Variants in TLL1 observed in about 807,000 individuals in gnomAD.
TLL1 encodes the protein tolloid-like protein 1.
A neutral mutation model predicts 128.2 loss-of-function variants in TLL1; 49 were observed. The ratio of observed to expected loss-of-function variants is 0.38; its 90% CI spans 0.30 to 0.48. The LOEUF (loss-of-function observed/expected upper bound fraction) is 0.48. Among genes scored for constraint, TLL1 ranks in the 20% least tolerant of loss-of-function variants. The probability of loss-of-function intolerance (pLI) is 0.96; values close to 1 mark genes in which losing one functional copy is unlikely to be tolerated. For missense variants in TLL1, 1,123 were observed against 1,242.0 expected, an observed-to-expected ratio of 0.90 and a Z score of 1.44; for synonymous variants, 454 against 418.8, an observed-to-expected ratio of 1.08 and a Z score of -1.03.
Position 166,099,287 on chromosome 4 carries a change from A to G in TLL1, c.2667A>G (p.Gly889=), listed in dbSNP as rs1742170296. 6.2e-7 allele frequency: 1 copy of G among 1,613,502 alleles called. No individual in the cohort carries two copies. The highest frequency in any genetic ancestry group is 8.5e-7 in the Non-Finnish European group (1 of 1,179,614). The change falls in exon 20 of 21, where the codon GGA becomes GGG. Residue 889 remains glycine (G), a synonymous_variant. Transcript: ENST00000061240. ...TTCTTTCCTGGGCAGAGTGTGGCGGACGATTGAAAGCAGAATCAAAACCAA... is the reference window on the plus strand; with the variant it reads ...TTCTTTCCTGGGCAGAGTGTGGCGGGCGATTGAAAGCAGAATCAAAACCAA... The part of the protein sequence containing the change: ...FQATHSTECG[G]RLKAESKPRD...
chr4:166,077,790 G>A, intron 17 of TLL1, 113 bp from the exon 18 acceptor site: 2 of 1,429,876 alleles, frequency 1.4e-6, no homozygotes, highest in Non-Finnish European at 2.0e-6. Flanking sequence ...GTGAAAATTA[G>A]CTGGTATTCA....
chr4:166,040,260 A>C (rs529619117), intron 10 of TLL1, among the ~76,000 whole-genome samples: 2 of 152,236 alleles, frequency 1.3e-5, no homozygotes, highest in Non-Finnish European at 2.9e-5. Flanking sequence ...TTGTATTAAA[A>C]GTGACAGCAG....
chr4:165,889,855 A>G (rs1304383672), intron 1 of TLL1, among the ~76,000 whole-genome samples: 1 of 152,202 alleles, frequency 6.6e-6, no homozygotes, highest in African/African-American at 2.4e-5. Context: ...TTGTGTGGTT[A>G]TTAAAACTTT....
chr4:165,951,728 G>A (rs1023199474), intron 1 of TLL1, among the ~76,000 whole-genome samples: 1 of 152,106 alleles, frequency 6.6e-6, no homozygotes, highest in Non-Finnish European at 1.5e-5. Flanking sequence ...GGGCCTGAGT[G>A]CTTTCATAAG....
intron 8 of TLL1, among the ~76,000 whole-genome samples, chr4:166,017,602 GT>G (rs1413259824): frequency 6.6e-6 from 1 of 151,830 alleles, no homozygotes; most frequent in Non-Finnish European, 1.5e-5. Context: ...GGTGTCTATT[GT>G]TTTTCATTTT....
intron 1 of TLL1, among the ~76,000 whole-genome samples, chr4:165,877,097 A>T (rs1730754322): frequency 6.6e-6 from 1 of 152,240 alleles, no homozygotes; most frequent in Non-Finnish European, 1.5e-5. Context: ...TTGTTTCTGA[A>T]TTACAACTTT....
intron 1 of TLL1, among the ~76,000 whole-genome samples, chr4:165,878,196 T>A (rs901507003): frequency 6.6e-6 from 1 of 152,204 alleles, no homozygotes; most frequent in Non-Finnish European, 1.5e-5. Flanking sequence ...ATTTTCGAAT[T>A]TGATGTTCTT....
At chr4:166,020,741 C>G (rs1048537373) in intron 8 of TLL1, among the ~76,000 whole-genome samples, 3 of 152,116 alleles carry the variant, frequency 2.0e-5, no homozygotes, top group African/African-American at 7.2e-5. Flanking sequence ...ACTATTGTCC[C>G]TAATATTCTC....
At chr4:165,932,980 C>A (rs987274434) in intron 1 of TLL1, among the ~76,000 whole-genome samples, 2 of 152,100 alleles carry the variant, frequency 1.3e-5, no homozygotes, top group South Asian at 4.1e-4. Flanking sequence ...TTACAGCTTC[C>A]GATTAGAAAG....
chr4:165,896,979 AT>A (rs1303236490), intron 1 of TLL1, among the ~76,000 whole-genome samples: 1 of 152,016 alleles, frequency 6.6e-6, no homozygotes, highest in African/African-American at 2.4e-5. Context: ...TGTGGTTTTG[AT>A]TTGCATCTCT....
chr4:165,877,849 A>G (rs1730791156), intron 1 of TLL1, among the ~76,000 whole-genome samples: 1 of 151,594 alleles, frequency 6.6e-6, no homozygotes, highest in South Asian at 2.1e-4. Flanking sequence ...AGAATATCTA[A>G]TAGGAGAAAT....
At chr4:166,017,896 A>G (rs1738026592) in intron 8 of TLL1, among the ~76,000 whole-genome samples, 1 of 152,204 alleles carries the variant, frequency 6.6e-6, no homozygotes, top group Non-Finnish European at 1.5e-5. Context: ...GGCATAAAAT[A>G]CTTACCACAA....
intron 5 of TLL1, among the ~76,000 whole-genome samples, chr4:166,000,968 C>T (rs572811935): frequency 1.2e-4 from 18 of 151,198 alleles, no homozygotes; most frequent in African/African-American, 3.9e-4. Flanking sequence ...ATCTAACTGG[C>T]GTAGTATGGA....
intron 1 of TLL1, among the ~76,000 whole-genome samples, chr4:165,942,636 A>G (rs1189719616): frequency 6.7e-6 from 1 of 149,406 alleles, no homozygotes; most frequent in Non-Finnish European, 1.5e-5. Flanking sequence ...TACTATATAT[A>G]TTAATTATAA....
chr4:166,056,696 GA>G (rs1416772573), intron 13 of TLL1, among the ~76,000 whole-genome samples: 3 of 151,956 alleles, frequency 2.0e-5, no homozygotes, highest in Non-Finnish European at 4.4e-5. Context: ...ATTTCATTCT[GA>G]AAAAAGGCTA....
At chr4:166,002,162 C>T (rs13150514) in intron 5 of TLL1, among the ~76,000 whole-genome samples, 2,422 of 152,168 alleles carry the variant, frequency 0.016, 27 homozygotes, top group Non-Finnish European at 0.027. Context: ...GGTGCATAGA[C>T]GGATGTGAGA....
Position 166,103,854 on chromosome 4 carries a change from A to AC in TLL1, c.*2979dup, listed in dbSNP as rs1742397837. ...TGACTATACATAGAAAAAAAAAAAA[A>AC]CACTGTTCTCACTTGATTTTATTAA... On this transcript the variant is annotated 3_prime_UTR_variant, in exon 21 of 21. Coordinates refer to ENST00000061240, the MANE Select transcript of TLL1 (RefSeq NM_012464.5). 6.6e-6 allele frequency: 1 copy of AC among 151,244 alleles called. No homozygotes were observed. The highest frequency in any genetic ancestry group is 1.5e-5 in the Non-Finnish European group (1 of 67,670). 9.4% of individuals were successfully genotyped at this position (151,244 alleles called of 1,614,324 possible).
At chr4:165,947,919 C>T (rs73860898) in intron 1 of TLL1, among the ~76,000 whole-genome samples, 1,606 of 152,208 alleles carry the variant, frequency 0.011, 28 homozygotes, top group African/African-American at 0.035. Context: ...GGCTATAAAA[C>T]GAAATAAGGC....
chr4:165,924,883 G>A (rs960763424), intron 1 of TLL1, among the ~76,000 whole-genome samples: 8 of 152,102 alleles, frequency 5.3e-5, no homozygotes, highest in Non-Finnish European at 8.8e-5. Context: ...AGGCCCTTAG[G>A]AATTATACTA....
Sources: gnomAD v4.1 joint callset for allele counts (sites outside exome capture counted in the v4.1 genomes callset) on GRCh38, gnomAD v4.1.1 for gene constraint, MANE v1.5 for transcripts, NCBI Gene and HGNC (gene_info 2026-07-23, HGNC 2026-07-21) for gene names.